Variants in MDGA2 observed in about 807,000 individuals in gnomAD.
MDGA2 encodes the protein MAM domain containing glycosylphosphatidylinositol anchor 2.
A neutral mutation model predicts 117.8 loss-of-function variants in MDGA2; 40 were observed. The ratio of observed to expected loss-of-function variants is 0.34; its 90% CI spans 0.26 to 0.44. The LOEUF (loss-of-function observed/expected upper bound fraction) is 0.44. MDGA2 is among the 20% of genes least tolerant of loss of function. The pLI is 1.00. For missense variants in MDGA2, 1,123 were observed against 1,250.6 expected (o/e 0.90, Z 1.54); for synonymous variants, 452 against 439.0 (o/e 1.03, Z -0.37).
intron 3 of MDGA2, among the ~76,000 whole-genome samples, chr14:47,160,043 T>G (rs912349057): frequency 1.3e-5 from 2 of 152,192 alleles, no homozygotes; most frequent in African/African-American, 4.8e-5. Flanking sequence ...ATTTTGAATG[T>G]TGTGTCACTT....
intron 10 of MDGA2, among the ~76,000 whole-genome samples, chr14:46,916,743 A>G (rs1172332268): frequency 6.6e-6 from 1 of 152,122 alleles, no homozygotes; most frequent in Non-Finnish European, 1.5e-5. Context: ...GCACAAAGTC[A>G]TTACTCTTTA....
chr14:47,445,993 A>G (rs1241301127), intron 1 of MDGA2, among the ~76,000 whole-genome samples: 1 of 152,186 alleles, frequency 6.6e-6, no homozygotes, highest in African/African-American at 2.4e-5. Flanking sequence ...AGTCTGGGTC[A>G]ATACCTTATG....
chr14:47,175,858 T>C (rs1432510783), intron 3 of MDGA2, among the ~76,000 whole-genome samples: 1 of 151,734 alleles, frequency 6.6e-6, no homozygotes, highest in Non-Finnish European at 1.5e-5. Context: ...GGAAGTCAAA[T>C]TGTCCCTGTT....
At chr14:47,135,192 C>G (rs1882393268) in intron 4 of MDGA2, among the ~76,000 whole-genome samples, 1 of 152,014 alleles carries the variant, frequency 6.6e-6, no homozygotes, top group Non-Finnish European at 1.5e-5. Flanking sequence ...ACTACTGTGA[C>G]AGCTCCTCGT....
intron 4 of MDGA2, among the ~76,000 whole-genome samples, chr14:47,135,782 T>C (rs544222644): frequency 1.3e-5 from 2 of 152,254 alleles, no homozygotes; most frequent in African/African-American, 2.4e-5. Flanking sequence ...CTCATCAAAT[T>C]AGTTATGTCA....
intron 2 of MDGA2, among the ~76,000 whole-genome samples, chr14:47,226,430 T>C (rs1375569891): frequency 6.6e-6 from 1 of 152,010 alleles, no homozygotes; most frequent in African/African-American, 2.4e-5. Flanking sequence ...CAGATAGCAA[T>C]AGGTTTTCCG....
At chr14:47,628,108 C>T (rs1897184735) in intron 1 of MDGA2, among the ~76,000 whole-genome samples, 1 of 152,160 alleles carries the variant, frequency 6.6e-6, no homozygotes, top group Admixed American at 6.5e-5. Context: ...TCTTTACCAG[C>T]TTTAGCATAT....
At chr14:47,420,429 A>G (rs1032850298) in intron 1 of MDGA2, among the ~76,000 whole-genome samples, 6 of 152,284 alleles carry the variant, frequency 3.9e-5, no homozygotes, top group Middle Eastern at 6.8e-3. Flanking sequence ...AAAATCTTAC[A>G]TACCAATTTA....
intron 1 of MDGA2, among the ~76,000 whole-genome samples, chr14:47,492,613 T>C (rs1434904262): frequency 6.6e-6 from 1 of 152,130 alleles, no homozygotes; most frequent in East Asian, 1.9e-4. Flanking sequence ...TATAAGTTAA[T>C]TTTCATCACC....
intron 9 of MDGA2, among the ~76,000 whole-genome samples, chr14:46,949,058 T>C (rs1467352248): frequency 6.6e-6 from 1 of 152,068 alleles, no homozygotes; most frequent in African/African-American, 2.4e-5. Flanking sequence ...TTTAAAACAC[T>C]TTCAAACTGA....
intron 4 of MDGA2, among the ~76,000 whole-genome samples, chr14:47,135,757 C>G (rs556799584): frequency 6.6e-6 from 1 of 152,238 alleles, no homozygotes; most frequent in Non-Finnish European, 1.5e-5. Context: ...TTATTCCTCA[C>G]ATAAACTCTT....
chr14:47,164,479 C>T (rs942365819), intron 3 of MDGA2, among the ~76,000 whole-genome samples: 14 of 152,288 alleles, frequency 9.2e-5, no homozygotes, highest in African/African-American at 2.4e-4. Context: ...GACATTTATG[C>T]AGCCAAAAAA....
chr14:46,998,487 T>C (rs927546672), intron 8 of MDGA2, among the ~76,000 whole-genome samples: 2 of 152,110 alleles, frequency 1.3e-5, no homozygotes, highest in African/African-American at 4.8e-5. Flanking sequence ...CATAAACTTC[T>C]GTATTTAATT....
chr14:47,414,218 C>G (rs1055412037), intron 1 of MDGA2, among the ~76,000 whole-genome samples: 1 of 152,078 alleles, frequency 6.6e-6, no homozygotes, highest in African/African-American at 2.4e-5. Context: ...CCATAATGTC[C>G]ATGAACATTG....
intron 5 of MDGA2, among the ~76,000 whole-genome samples, chr14:47,125,979 G>T (rs1339532938): frequency 6.6e-6 from 1 of 151,912 alleles, no homozygotes; most frequent in Non-Finnish European, 1.5e-5. Context: ...TAATTTCTAT[G>T]TGTCCTAGTG....
chr14:47,406,917 C>T (rs1892271944), intron 1 of MDGA2, among the ~76,000 whole-genome samples: 1 of 151,952 alleles, frequency 6.6e-6, no homozygotes, highest in African/African-American at 2.4e-5. Context: ...ATATGATGTA[C>T]AAATATAGAA....
At chr14:46,873,343 CA>C (rs34653812) in intron 14 of MDGA2, 89 bp downstream of exon 14, 1 of 1,212,742 alleles carries the variant, frequency 8.2e-7, no homozygotes, top group Non-Finnish European at 1.1e-6. Flanking sequence ...ATTCTTTGAC[CA>C]AAAATTGTTT....
chr14:47,070,475 C>T (rs1890241353), intron 6 of MDGA2, among the ~76,000 whole-genome samples: 1 of 152,180 alleles, frequency 6.6e-6, no homozygotes, highest in African/African-American at 2.4e-5. Flanking sequence ...CCCTATCTCC[C>T]ATTCTCTGTA....
At chr14:47,026,208 C>T (rs1888468040) in intron 8 of MDGA2, among the ~76,000 whole-genome samples, 1 of 152,056 alleles carries the variant, frequency 6.6e-6, no homozygotes, top group Non-Finnish European at 1.5e-5. Flanking sequence ...TGAATACTGC[C>T]TGTAGGTGGA....
Sources: allele counts gnomAD v4.1 joint callset (sites outside exome capture counted in the v4.1 genomes callset), GRCh38; gene constraint gnomAD v4.1.1; transcripts MANE v1.5; gene names NCBI Gene and HGNC (gene_info 2026-07-23, HGNC 2026-07-21).